The following SHANK2 variants were observed in gnomAD, a reference collection of about 807,000 sequenced individuals.
SHANK2 encodes SH3 and multiple ankyrin repeat domains 2, also known as SH3 and multiple ankyrin repeat domains protein 2.
A neutral mutation model predicts 133.7 loss-of-function variants in SHANK2; 43 were observed. That is an observed-to-expected ratio of 0.32 (90% CI 0.25 to 0.41). The LOEUF is 0.41. Ranked by LOEUF, SHANK2 falls within the 10% of genes least tolerant of loss-of-function variation. The pLI is 1.00. For missense variants in SHANK2, 1,994 were observed against 2,235.8 expected, an observed-to-expected ratio of 0.89 and a Z score of 2.18; for synonymous variants, 1,017 against 952.8, an observed-to-expected ratio of 1.07 and a Z score of -1.24.
intron 11 of SHANK2, among the ~76,000 whole-genome samples, chr11:70,883,722 A>G (rs1170610883): frequency 6.6e-6 from 1 of 152,226 alleles, no homozygotes; most frequent in Non-Finnish European, 1.5e-5. Context: ...GGAGGCACAG[A>G]GAAGGGGTGG....
At chr11:70,522,282 G>A (rs1278963782) in intron 17 of SHANK2, among the ~76,000 whole-genome samples, 2 of 152,212 alleles carry the variant, frequency 1.3e-5, no homozygotes, top group East Asian at 3.9e-4. Context: ...ATGGCTGAAT[G>A]CACGGCTTAA....
chr11:71,184,459 G>A (rs1555114195), intron 2 of SHANK2, among the ~76,000 whole-genome samples: 2 of 152,278 alleles, frequency 1.3e-5, no homozygotes, highest in Middle Eastern at 3.4e-3. Flanking sequence ...CTGAATGTCG[G>A]GGCTGGGTTC....
chr11:71,064,473 T>C (rs907285368), intron 9 of SHANK2, among the ~76,000 whole-genome samples: 1 of 151,474 alleles, frequency 6.6e-6, no homozygotes, highest in Non-Finnish European at 1.5e-5. Flanking sequence ...CTGGGCTGGA[T>C]AGGAGAGAAG....
At position 70,754,207 on chromosome 11, in the gene SHANK2, C is replaced by T. The variant is rs960659460; in HGVS notation, c.1777+44236G>A. Among the ~76,000 whole-genome samples, 24 of 152,194 alleles carry T rather than the reference C, an allele frequency of 1.6e-4. No individual in the cohort carries two copies. In the East Asian group the frequency reaches 1.9e-3, roughly 12 times the overall value. ...TCATTTCAAGAAGCAGCAACACCAA[C>T]TCTACACAATTCCTCCCAGAAAAGA... On this transcript the variant is annotated intron_variant, in intron 14 of 25. Coordinates refer to ENST00000601538, the MANE Select transcript of SHANK2 (RefSeq NM_012309.5).
chr11:70,867,871 G>A (rs564725030), intron 11 of SHANK2, among the ~76,000 whole-genome samples: 94 of 152,186 alleles, frequency 6.2e-4, no homozygotes, highest in African/African-American at 2.1e-3. Flanking sequence ...CCCGCCTCCC[G>A]CCCATCCATC....
At chr11:70,837,991 A>AAAAAAAAAAAG (rs1338963209) in intron 11 of SHANK2, among the ~76,000 whole-genome samples, 8 of 150,604 alleles carry the variant, frequency 5.3e-5, no homozygotes, top group African/African-American at 2.0e-4. Flanking sequence ...AAAAAAAAAA[A>AAAAAAAAAAAG]AAAAAAAAAA....
intron 14 of SHANK2, among the ~76,000 whole-genome samples, chr11:70,731,809 C>T (rs943499621): frequency 1.3e-5 from 2 of 152,226 alleles, no homozygotes; most frequent in Non-Finnish European, 1.5e-5. Context: ...CAGCTACCAG[C>T]AAGGTGCCTG....
intron 17 of SHANK2, among the ~76,000 whole-genome samples, chr11:70,550,427 G>A (rs576277980): frequency 6.6e-6 from 1 of 151,822 alleles, no homozygotes; most frequent in East Asian, 1.9e-4. Flanking sequence ...GATGCTCTTC[G>A]GTTTTTGGCA....
chr11:70,513,389 A>G (rs1417895439), intron 17 of SHANK2, among the ~76,000 whole-genome samples: 1 of 152,224 alleles, frequency 6.6e-6, no homozygotes, highest in East Asian at 1.9e-4. Context: ...TTGCTATGAT[A>G]AGGCTGAAAT....
At chr11:71,162,996 C>T (rs1333551271) in intron 2 of SHANK2, among the ~76,000 whole-genome samples, 3 of 148,754 alleles carry the variant, frequency 2.0e-5, no homozygotes, top group African/African-American at 7.5e-5. Context: ...TGGCGTGAAC[C>T]TGGGAGGTGG....
intron 17 of SHANK2, among the ~76,000 whole-genome samples, chr11:70,590,097 G>C (rs983181091): frequency 1.3e-5 from 2 of 152,242 alleles, no homozygotes; most frequent in Non-Finnish European, 2.9e-5. Flanking sequence ...GGAGCTTGCA[G>C]TGAGCTGAGA....
At chr11:70,630,953 A>G (rs2060976855) in intron 17 of SHANK2, 2 of 152,134 alleles carry the variant, frequency 1.3e-5, no homozygotes, top group Non-Finnish European at 2.9e-5. Flanking sequence ...CCGGCGCCCA[A>G]CGCATCCTCA....
intron 17 of SHANK2, among the ~76,000 whole-genome samples, chr11:70,594,531 A>C (rs184177174): frequency 6.6e-6 from 1 of 152,308 alleles, no homozygotes; most frequent in African/African-American, 2.4e-5. Context: ...GAGTATCAAC[A>C]GTATATGAAA....
intron 17 of SHANK2, among the ~76,000 whole-genome samples, chr11:70,538,780 A>G (rs2059577212): frequency 6.6e-6 from 1 of 152,116 alleles, no homozygotes; most frequent in Non-Finnish European, 1.5e-5. Context: ...GCCCCATTCC[A>G]CACAGAGAAA....
At chr11:70,766,432 GA>G (rs1162069086) in intron 14 of SHANK2, among the ~76,000 whole-genome samples, 1 of 152,226 alleles carries the variant, frequency 6.6e-6, no homozygotes, top group African/African-American at 2.4e-5. Context: ...TGGCTGGGAG[GA>G]AGGAGAAGTC....
intron 12 of SHANK2, among the ~76,000 whole-genome samples, chr11:70,818,339 G>A (rs1167851296): frequency 4.0e-5 from 6 of 148,568 alleles, no homozygotes; most frequent in African/African-American, 1.6e-4. Context: ...ACACACACAT[G>A]TGCATTCTGT....
intron 2 of SHANK2, among the ~76,000 whole-genome samples, chr11:71,224,137 G>A (rs2135741317): frequency 6.6e-6 from 1 of 152,346 alleles, no homozygotes; most frequent in East Asian, 1.9e-4. Flanking sequence ...CTTTCTGCAT[G>A]GAGCTGGTGG....
chr11:70,760,551 C>T (rs1565298459), intron 14 of SHANK2, among the ~76,000 whole-genome samples: 1 of 152,376 alleles, frequency 6.6e-6, no homozygotes, highest in East Asian at 1.9e-4. Context: ...AGGTCTGACT[C>T]ATAGCACCTG....
At chr11:70,677,521 C>T (rs1944925669) in intron 15 of SHANK2, among the ~76,000 whole-genome samples, 1 of 152,318 alleles carries the variant, frequency 6.6e-6, no homozygotes. Flanking sequence ...CCCTTGGCCA[C>T]AGCATGGGGG....
Sources: gnomAD v4.1 joint callset for allele counts (sites outside exome capture counted in the v4.1 genomes callset) on GRCh38, gnomAD v4.1.1 for gene constraint, MANE v1.5 for transcripts, NCBI Gene and HGNC (gene_info 2026-07-23, HGNC 2026-07-21) for gene names.